Variants in ACKR1 observed in about 807,000 individuals in gnomAD.
The protein encoded by ACKR1 is atypical chemokine receptor 1.
A neutral mutation model predicts 2.5 loss-of-function variants in ACKR1; 3 were observed. The ratio of observed to expected loss-of-function variants is 1.18; its 90% CI spans 0.54 to 3.06. ACKR1 has a LOEUF of 3.06. Among genes scored for constraint, ACKR1 ranks in the 30% most tolerant of loss-of-function variants. The pLI is 0.03. For missense variants in ACKR1, 438 were observed against 395.2 expected, an observed-to-expected ratio of 1.11 and a Z score of -0.92; for synonymous variants, 208 against 178.2, an observed-to-expected ratio of 1.17 and a Z score of -1.33.
rs1266248927 is a variant in ACKR1 at position 159,206,182 on chromosome 1, C to T, written c.743C>T (p.Ala248Val). Residue 248 changes from alanine (A) to valine (V), a missense_variant, in exon 2 of 2, where the codon GCC becomes GTC. Physicochemically the swap from Ala to Val is moderately conservative, Grantham distance 64. Transcript: ENST00000368122. ...GGCCCCTGGATGAATATCCTGTGGGCCTGGTTTATTTTCTGGTGGCCTCAT... is the reference window on the plus strand; with the variant it reads ...GGCCCCTGGATGAATATCCTGTGGGTCTGGTTTATTTTCTGGTGGCCTCAT... ...GPGPWMNILW[A>V]WFIFWWPHGV... 3.1e-6 allele frequency: 5 copies of T among 1,614,206 alleles called. No homozygotes were observed. The highest frequency in any genetic ancestry group is 2.2e-5 in the East Asian group (1 of 44,882).
At position 159,205,980 on chromosome 1, in the gene ACKR1, A is replaced by G. The variant is rs1292611076; in HGVS notation, c.541A>G (p.Thr181Ala). Residue 181 changes from threonine to alanine, a missense_variant, in exon 2 of 2, where the codon ACA becomes GCA. Coordinates refer to ENST00000368122, the MANE Select transcript of ACKR1 (RefSeq NM_002036.4). The part of the protein sequence containing the change: ...VGIWGVAALL[T>A]LPVTLASGAS... The stretch of plus-strand genomic sequence containing the variant: ...AATTTGGGGAGTGGCTGCCCTACTG[A>G]CACTGCCTGTCACCCTGGCCAGTGG... 6.2e-7 allele frequency: 1 copy of G among 1,613,922 alleles called. No individual in the cohort carries two copies. The highest frequency in any genetic ancestry group is 2.2e-5 in the East Asian group (1 of 44,894).
chr1:159,205,348 A>T lies in ACKR1; in HGVS notation c.22-113A>T. 2.3e-6 allele frequency: 3 copies of T among 1,312,340 alleles called. 1 individual carries two copies. The South Asian group carries it at 4.1e-5, about 18-fold the overall frequency. 81.3% of individuals were successfully genotyped at this position (1,312,340 alleles called of 1,614,324 possible). A position where few individuals can be genotyped will look rare whatever the true frequency, so the allele number is the denominator to read the frequency against. ...CGCACTGCATCTGACTCCTGCAGAG[A>T]CCTTGTTCTCCCACCCGACCTTCCT... On this transcript the variant is annotated intron_variant, in intron 1 of 1. Coordinates refer to ENST00000368122, the MANE Select transcript of ACKR1 (RefSeq NM_002036.4).
Position 159,206,496 on chromosome 1 carries a change from G to A in ACKR1, c.*46G>A, listed in dbSNP as rs571905908. ...CTGAATTAAAGTCTACACTGCCTTT[G>A]TGAAGCGGGTGGTTTCTTATTTTGT... On this transcript the variant is annotated 3_prime_UTR_variant, in exon 2 of 2. Coordinates refer to ENST00000368122, the MANE Select transcript of ACKR1 (RefSeq NM_002036.4). 1 of 1,529,002 alleles carries A rather than the reference G, an allele frequency of 6.5e-7. No homozygotes were observed. The highest frequency in any genetic ancestry group is 8.8e-7 in the Non-Finnish European group (1 of 1,131,004). The allele number at this position is 1,529,002 out of a possible 1,614,324, so 94.7% of individuals were successfully genotyped here. A position where few individuals can be genotyped will look rare whatever the true frequency, so the allele number is the denominator to read the frequency against.
In ACKR1 at chr1:159,206,431, C is replaced by G. The variant is rs765325360; in HGVS notation, c.992C>G (p.Thr331Ser). The G allele has an allele frequency of 2.5e-6, 4 of 1,612,314 alleles. No homozygotes were observed. The highest frequency in any genetic ancestry group is 3.4e-6 in the Non-Finnish European group (4 of 1,178,618). Reference protein sequence around the residue: ...LPEGWSSHLDTLGSKS With the variant: ...LPEGWSSHLDSLGSKS ...GAAGGATGGTCTTCTCATCTGGACA[C>G]CCTTGGAAGCAAATCCTAGTTCTCT... Residue 331 changes from threonine (T) to serine (S), a missense_variant, in exon 2 of 2, where the codon ACC (threonine) becomes AGC (serine). Coordinates refer to ENST00000368122, the MANE Select transcript of ACKR1 (RefSeq NM_002036.4).
chr1:159,205,493 T>C lies in ACKR1; in HGVS notation c.54T>C (p.Ser18=), dbSNP rs375647575. 35 of 1,613,306 alleles carry C rather than the reference T, an allele frequency of 2.2e-5. No individual in the cohort carries two copies. Among genetic ancestry groups the C allele is most frequent in the Non-Finnish European group, 2.7e-5 (32 of 1,179,542 alleles). Residue 18 remains serine, a synonymous_variant, in exon 2 of 2, where the codon AGT becomes AGC. Transcript: ENST00000368122. ...TCTCCCCCTCAACTGAGAACTCAAGTCAGCTGGACTTCGAAGATGTATGGA... is the reference window on the plus strand; with the variant it reads ...TCTCCCCCTCAACTGAGAACTCAAGCCAGCTGGACTTCGAAGATGTATGGA... ...AELSPSTENS[S]QLDFEDVWNS...
In ACKR1 at chr1:159,205,558, A is replaced by C; in HGVS notation, c.119A>C (p.Asp40Ala). Residue 40 changes from aspartate to alanine, a missense_variant, in exon 2 of 2, where the codon GAC (aspartate) becomes GCC (alanine). Transcript: ENST00000368122. Reference protein sequence around the residue: ...YGVNDSFPDGDYGANLEAAAP... With the variant: ...YGVNDSFPDGAYGANLEAAAP... ...GTGAATGATTCCTTCCCAGATGGAG[A>C]CTATGGTGCCAACCTGGAAGCAGCT... 6.2e-7 allele frequency: 1 copy of C among 1,614,182 alleles called. No individual in the cohort carries two copies. Among genetic ancestry groups the C allele is most frequent in the Non-Finnish European group, 8.5e-7 (1 of 1,180,018 alleles).
At position 159,205,210 on chromosome 1, in the gene ACKR1, G is replaced by A. The variant is rs1650399358; in HGVS notation, c.21+230G>A. The A allele has an allele frequency of 3.1e-5, 18 of 589,030 alleles. No individual in the cohort carries two copies. In the South Asian group the frequency reaches 3.3e-4, roughly 11 times the overall value. The allele number at this position is 589,030 out of a possible 1,614,324, so 36.5% of individuals were successfully genotyped here. On this transcript the variant is annotated intron_variant, in intron 1 of 1. Transcript: ENST00000368122. ...GAGTCAGTTCCATCCTGGTCTCTTG[G>A]TGCCTTTTCCTTCTGACCTTGCACT... is the stretch of plus-strand genomic sequence containing the variant.
chr1:159,205,587 C>G lies in ACKR1; in HGVS notation c.148C>G (p.Pro50Ala), dbSNP rs1650413216. The change falls in exon 2 of 2, where the codon CCC becomes GCC. Residue 50 changes from proline to alanine, a missense_variant. By Grantham distance (27) the Pro-to-Ala change is conservative. Coordinates refer to ENST00000368122, the MANE Select transcript of ACKR1 (RefSeq NM_002036.4). ...DYGANLEAAA[P>A]CHSCNLLDDS... ...TGGTGCCAACCTGGAAGCAGCTGCC[C>G]CCTGCCACTCCTGTAACCTGCTGGA... 2 of 1,614,226 alleles carry G rather than the reference C, an allele frequency of 1.2e-6. No individual in the cohort carries two copies. Among genetic ancestry groups the G allele is most frequent in the Non-Finnish European group, 1.7e-6 (2 of 1,180,040 alleles).
Position 159,206,475 on chromosome 1 carries a change from A to G in ACKR1, c.*25A>G, listed in dbSNP as rs1221368188. Reference sequence around the variant, plus strand: ...GTTCTCTTCCCACCTGTCAACCTGAATTAAAGTCTACACTGCCTTTGTGAA... The same window carrying G: ...GTTCTCTTCCCACCTGTCAACCTGAGTTAAAGTCTACACTGCCTTTGTGAA... On this transcript the variant is annotated 3_prime_UTR_variant, in exon 2 of 2. Coordinates refer to ENST00000368122, the MANE Select transcript of ACKR1 (RefSeq NM_002036.4). 3.1e-6 allele frequency: 5 copies of G among 1,590,396 alleles called. No individual in the cohort carries two copies. The highest frequency in any genetic ancestry group is 2.3e-5 in the South Asian group (2 of 88,080).
chr1:159,205,028 T>A lies in ACKR1; in HGVS notation c.21+48T>A, dbSNP rs564823851. On this transcript the variant is annotated intron_variant, in intron 1 of 1. Transcript: ENST00000368122. ...GAGTCCCTTATCCCTATGCCCCTCATTTCCCCTGCTGTTTGCCCCTCAGTC... is the reference window on the plus strand; with the variant it reads ...GAGTCCCTTATCCCTATGCCCCTCAATTCCCCTGCTGTTTGCCCCTCAGTC... 7 of 1,592,670 alleles carry A rather than the reference T, an allele frequency of 4.4e-6. No homozygotes were observed. The South Asian group carries it at 6.8e-5, about 15-fold the overall frequency.
At position 159,205,795 on chromosome 1, in the gene ACKR1, G is replaced by A. The variant is rs1036821341; in HGVS notation, c.356G>A (p.Gly119Glu). ...ATTGTGGTGCCCGTCTTGGCCCCAG[G>A]GCTAGGTAGCACTCGCAGCTCTGCC... ...FSIVVPVLAP[G>E]LGSTRSSALC... Residue 119 changes from glycine (G) to glutamate (E), a missense_variant, in exon 2 of 2, where the codon GGG becomes GAG. Gly to Glu is a moderately conservative substitution (Grantham distance 98, BLOSUM62 -2). Transcript: ENST00000368122. 7 of 1,614,052 alleles carry A rather than the reference G, an allele frequency of 4.3e-6. No homozygotes were observed. In the African/African-American group the frequency reaches 6.7e-5, roughly 15 times the overall value.
chr1:159,204,919 G>C lies in ACKR1; in HGVS notation c.-41G>C. 3 of 1,613,910 alleles carry C rather than the reference G, an allele frequency of 1.9e-6. No individual in the cohort carries two copies. The highest frequency in any genetic ancestry group is 2.5e-6 in the Non-Finnish European group (3 of 1,179,890). Reference sequence around the variant, plus strand: ...CTTGGAAGCACAGGCGCTGACAGCCGTCCCAGCCCTTCTGTCTGCGGGCCT... The same window carrying C: ...CTTGGAAGCACAGGCGCTGACAGCCCTCCCAGCCCTTCTGTCTGCGGGCCT... On this transcript the variant is annotated 5_prime_UTR_variant, in exon 1 of 2. Transcript: ENST00000368122.
rs771832928 is a variant in ACKR1, at chr1:159,204,968, C to T, written c.9C>T (p.Asn3=). The change falls in exon 1 of 2, where the codon AAC becomes AAT. Residue 3 remains asparagine, a synonymous_variant. Transcript: ENST00000368122. ...CTGAACCAAACGGTGCCATGGGGAACTGTCTGCACAGGGTGAGTATGGGGC... is the reference window on the plus strand; with the variant it reads ...CTGAACCAAACGGTGCCATGGGGAATTGTCTGCACAGGGTGAGTATGGGGC... MG[N]CLHRAELSPS... The T allele has an allele frequency of 2.5e-6, 4 of 1,614,058 alleles. No individual in the cohort carries two copies. The African/African-American group carries it at 5.3e-5, about 22-fold the overall frequency.
chr1:159,205,002 A>G (rs1254387482), intron 1 of ACKR1, 22 bp downstream of exon 1: 3 of 1,613,144 alleles, frequency 1.9e-6, no homozygotes, highest in Admixed American at 1.7e-5. Flanking sequence ...GCCAGGCCCC[A>G]GAGTCCCTTA....
chr1:159,205,132 C>A, intron 1 of ACKR1, 152 bp downstream of exon 1: 1 of 930,778 alleles, frequency 1.1e-6, no homozygotes, highest in Non-Finnish European at 1.6e-6. Context: ...TTTTCCTTCT[C>A]TCCTTCCTAT....
Position 159,204,984 on chromosome 1 carries a change from A to G in ACKR1, c.21+4A>G, listed in dbSNP as rs199780920. The G allele has an allele frequency of 6.2e-7, 1 of 1,614,036 alleles. No homozygotes were observed. Among genetic ancestry groups the G allele is most frequent in the Non-Finnish European group, 8.5e-7 (1 of 1,179,976 alleles). On this transcript the variant is annotated splice_donor_region_variant and intron_variant, in intron 1 of 1. Transcript: ENST00000368122. ...CATGGGGAACTGTCTGCACAGGGTG[A>G]GTATGGGGCCAGGCCCCAGAGTCCC...
Position 159,205,162 on chromosome 1 carries a change from CTT to C in ACKR1, c.21+183_21+184del. On this transcript the variant is annotated intron_variant, in intron 1 of 1. Transcript: ENST00000368122. ...TCCTATGCTAGCCTCCTAGCTCCCT[CTT>C]GTGTCCCTCCCTTTGCCTTTGAGTC... The C allele has an allele frequency of 5.3e-6, 4 of 753,688 alleles. No homozygotes were observed. The South Asian group carries it at 7.7e-5, about 15-fold the overall frequency. 46.7% of individuals were successfully genotyped at this position (753,688 alleles called of 1,614,324 possible). A position where few individuals can be genotyped will look rare whatever the true frequency, so the allele number is the denominator to read the frequency against.
rs1650456974 is a variant in ACKR1, at chr1:159,206,430, AC to A, written c.994del (p.Gly333GlufsTer21). The part of the protein sequence containing the change: ...LPEGWSSHLD[T>X]LGSKS ...TGAAGGATGGTCTTCTCATCTGGAC[AC>A]CCTTGGAAGCAAATCCTAGTTCTCT... On this transcript the variant is annotated frameshift_variant, in exon 2 of 2. Coordinates refer to ENST00000368122, the MANE Select transcript of ACKR1 (RefSeq NM_002036.4). LOFTEE classifies it high-confidence loss of function. 1.2e-6 allele frequency: 2 copies of A among 1,613,174 alleles called. No homozygotes were observed. Among genetic ancestry groups the A allele is most frequent in the African/African-American group, 1.3e-5 (1 of 75,006 alleles).
At position 159,205,772 on chromosome 1, in the gene ACKR1, T is replaced by G. The variant is rs771423126; in HGVS notation, c.333T>G (p.Ile111Met). 6.2e-7 allele frequency: 1 copy of G among 1,614,012 alleles called. No individual in the cohort carries two copies. Among genetic ancestry groups the G allele is most frequent in the South Asian group, 1.1e-5 (1 of 91,076 alleles). The change falls in exon 2 of 2, where the codon ATT becomes ATG. Residue 111 changes from isoleucine to methionine, a missense_variant. Coordinates refer to ENST00000368122, the MANE Select transcript of ACKR1 (RefSeq NM_002036.4). The part of the protein sequence containing the change: ...QLAVGSALFS[I>M]VVPVLAPGLG... ...CTGTGGGCAGTGCCCTCTTCAGCAT[T>G]GTGGTGCCCGTCTTGGCCCCAGGGC...
Sources: gnomAD v4.1 joint callset for allele counts on GRCh38, gnomAD v4.1.1 for gene constraint, MANE v1.5 for transcripts, NCBI Gene and HGNC (gene_info 2026-07-23, HGNC 2026-07-21) for gene names.